The following ARHGAP44 variants were observed in gnomAD, a reference collection of about 807,000 sequenced individuals.
ARHGAP44 encodes the protein rho GTPase-activating protein 44.
Under a neutral mutation model 106.8 loss-of-function variants are expected in ARHGAP44, and 43 were observed. The observed-to-expected ratio is 0.40, with a 90% CI of 0.32 to 0.52. The LOEUF is 0.52. ARHGAP44 is among the 20% of genes least tolerant of loss of function. ARHGAP44 has a pLI of 0.48. For missense variants in ARHGAP44, 866 were observed against 1,050.5 expected, an observed-to-expected ratio of 0.82 and a Z score of 2.43; for synonymous variants, 439 against 410.3, an observed-to-expected ratio of 1.07 and a Z score of -0.85.
chr17:12,892,846 T>C (rs899634674), intron 1 of ARHGAP44, among the ~76,000 whole-genome samples: 2 of 152,070 alleles, frequency 1.3e-5, no homozygotes, highest in Admixed American at 1.3e-4. Flanking sequence ...AAAATTTTTG[T>C]TTCTTCTTTA....
intron 1 of ARHGAP44, among the ~76,000 whole-genome samples, chr17:12,887,754 C>T (rs1389338335): frequency 6.6e-6 from 1 of 151,972 alleles, no homozygotes; most frequent in Non-Finnish European, 1.5e-5. Context: ...ATGAAATCTT[C>T]TGGGCCTGAA....
chr17:12,846,309 C>T (rs1312474179), intron 1 of ARHGAP44, among the ~76,000 whole-genome samples: 1 of 152,110 alleles, frequency 6.6e-6, no homozygotes, highest in Non-Finnish European at 1.5e-5. Flanking sequence ...ATTTCCCCAA[C>T]CCTGGATCTC....
intron 6 of ARHGAP44, among the ~76,000 whole-genome samples, chr17:12,920,114 C>T (rs1473005595): frequency 3.9e-5 from 6 of 152,118 alleles, no homozygotes; most frequent in African/African-American, 9.6e-5. Flanking sequence ...CAGTGGCTCA[C>T]ACCTGTAACC....
intron 1 of ARHGAP44, among the ~76,000 whole-genome samples, chr17:12,879,400 G>A (rs1012867638): frequency 1.1e-4 from 16 of 151,886 alleles, no homozygotes; most frequent in African/African-American, 2.4e-4. Context: ...TCCATATTTC[G>A]CAGTTGCAAA....
At chr17:12,938,582 TAA>T (rs67037408) in intron 7 of ARHGAP44, among the ~76,000 whole-genome samples, 9 of 127,006 alleles carry the variant, frequency 7.1e-5, no homozygotes, top group African/African-American at 1.1e-4. Flanking sequence ...AGCTATATAT[TAA>T]AAAAAAAAAA....
chr17:12,917,545 G>A (rs1050341298), intron 5 of ARHGAP44, among the ~76,000 whole-genome samples: 2 of 152,084 alleles, frequency 1.3e-5, no homozygotes, highest in African/African-American at 4.8e-5. Context: ...TAATTGGATG[G>A]TACCGCTCCA....
In ARHGAP44 at chr17:12,935,528, A is replaced by G. The variant is rs148547118; in HGVS notation, c.583-5528A>G. Among the ~76,000 whole-genome samples, 440 of 151,308 alleles carry G rather than the reference A, an allele frequency of 2.9e-3. 9 individuals carry two copies. The East Asian group carries it at 0.055, about 19-fold the overall frequency. On this transcript the variant is annotated intron_variant, in intron 7 of 20. Transcript: ENST00000379672. ...GAGGTTGCAGTGAGCTGAGATTGCA[A>G]CATTGCACTCCAGCTGGGGCAACAG... is the stretch of plus-strand genomic sequence containing the variant.
chr17:12,918,471 C>T (rs551754501), intron 5 of ARHGAP44, among the ~76,000 whole-genome samples: 1 of 152,198 alleles, frequency 6.6e-6, no homozygotes, highest in South Asian at 2.1e-4. Flanking sequence ...GAACCAAAAT[C>T]CTGCACTGGG....
At chr17:12,874,940 A>T (rs910245724) in intron 1 of ARHGAP44, among the ~76,000 whole-genome samples, 1 of 132,700 alleles carries the variant, frequency 7.5e-6, no homozygotes, top group Non-Finnish European at 1.6e-5. Flanking sequence ...AGAGGGACAG[A>T]ATGGGGGTCA....
At chr17:12,837,158 A>G (rs2035261882) in intron 1 of ARHGAP44, among the ~76,000 whole-genome samples, 1 of 152,232 alleles carries the variant, frequency 6.6e-6, no homozygotes, top group Admixed American at 6.5e-5. Context: ...ATATAAGTAA[A>G]TAATCCATAG....
chr17:12,825,902 TTAAC>T (rs1450336848), intron 1 of ARHGAP44, among the ~76,000 whole-genome samples: 2 of 152,206 alleles, frequency 1.3e-5, no homozygotes, highest in African/African-American at 4.8e-5. Flanking sequence ...TTTGAGAGCG[TTAAC>T]TTTCTACTTT....
chr17:12,878,226 C>CT (rs1036408851), intron 1 of ARHGAP44, among the ~76,000 whole-genome samples: 32 of 145,228 alleles, frequency 2.2e-4, no homozygotes, highest in East Asian at 6.0e-4. Flanking sequence ...TTCACAGAAC[C>CT]TTTTTTTTTT....
intron 1 of ARHGAP44, among the ~76,000 whole-genome samples, chr17:12,831,510 T>TAG (rs2035087912): frequency 6.6e-6 from 1 of 152,122 alleles, no homozygotes; most frequent in African/African-American, 2.4e-5. Context: ...AGAGGCTCCG[T>TAG]AGAGTCAGGG....
chr17:12,795,145 C>T (rs950430585), intron 1 of ARHGAP44, among the ~76,000 whole-genome samples: 2 of 152,250 alleles, frequency 1.3e-5, no homozygotes, highest in African/African-American at 4.8e-5. Context: ...CGGACCCAAA[C>T]TCGTCCCCCA....
In ARHGAP44 at chr17:12,958,405, G is replaced by A. The variant is rs978782325; in HGVS notation, c.1343-312G>A. On this transcript the variant is annotated intron_variant, in intron 15 of 20. Coordinates refer to ENST00000379672, the MANE Select transcript of ARHGAP44 (RefSeq NM_014859.6). The surrounding 1 kb of genome is among the most constrained non-coding windows in gnomAD (Gnocchi z 4.1). ...CCTGATTAGTTTAGGACAGCTGTCGGCTTTCAGTCTTAAGCATGAGGTTTT... is the reference window on the plus strand; with the variant it reads ...CCTGATTAGTTTAGGACAGCTGTCGACTTTCAGTCTTAAGCATGAGGTTTT... Among the ~76,000 whole-genome samples, 1 of 152,116 alleles carries A rather than the reference G, an allele frequency of 6.6e-6. No individual in the cohort carries two copies. Among genetic ancestry groups the A allele is most frequent in the African/African-American group, 2.4e-5 (1 of 41,402 alleles).
chr17:12,845,962 G>C (rs1489666344), intron 1 of ARHGAP44, among the ~76,000 whole-genome samples: 2 of 152,120 alleles, frequency 1.3e-5, no homozygotes, highest in African/African-American at 4.8e-5. Context: ...GTACACATAA[G>C]ACAGGGTTCC....
chr17:12,897,065 C>T (rs917554706), intron 3 of ARHGAP44, among the ~76,000 whole-genome samples: 8 of 152,102 alleles, frequency 5.3e-5, no homozygotes, highest in South Asian at 2.1e-4. Context: ...TTGTATAATG[C>T]GATTCCATTT....
chr17:12,798,948 A>G (rs546771908), intron 1 of ARHGAP44, among the ~76,000 whole-genome samples: 3 of 152,212 alleles, frequency 2.0e-5, no homozygotes, highest in Admixed American at 6.5e-5. Flanking sequence ...ATAGAAAAGC[A>G]TTCATTATAC....
At chr17:12,950,327 G>C (rs1315433447) in intron 12 of ARHGAP44, among the ~76,000 whole-genome samples, 1 of 152,106 alleles carries the variant, frequency 6.6e-6, no homozygotes, top group Non-Finnish European at 1.5e-5. Context: ...CTTAAAGGGA[G>C]GTCACGTGTC....
Sources: allele counts gnomAD v4.1 joint callset (sites outside exome capture counted in the v4.1 genomes callset), GRCh38; gene constraint gnomAD v4.1.1; non-coding constraint Gnocchi (gnomAD v3.1); transcripts MANE v1.5; gene names NCBI Gene and HGNC (gene_info 2026-07-23, HGNC 2026-07-21).